Variants in PCDHGA4 observed in about 807,000 individuals in gnomAD.
PCDHGA4 encodes protocadherin gamma-A4.
Under a neutral mutation model 54.6 loss-of-function variants are expected in PCDHGA4, and 38 were observed. The observed-to-expected ratio is 0.70, with a 90% CI of 0.54 to 0.91. The LOEUF (loss-of-function observed/expected upper bound fraction) is 0.91. Among genes scored for constraint, PCDHGA4 ranks in the 40% least tolerant of loss-of-function variants. The pLI, the probability that PCDHGA4 is intolerant of heterozygous loss-of-function variation, is 0.00. For synonymous variants in PCDHGA4, 511 were observed against 512.9 expected (o/e 1.00, Z 0.05); for missense variants, 1,298 against 1,220.9 (o/e 1.06, Z -0.94).
chr5:141,364,993 A>C, intron 1 of PCDHGA4: 1 of 1,613,740 alleles, frequency 6.2e-7, no homozygotes, highest in Non-Finnish European at 8.5e-7. Context: ...GAGACCCGGT[A>C]CTCTCCGGCA....
chr5:141,394,080 A>G (rs766939528), intron 1 of PCDHGA4: 2 of 1,613,920 alleles, frequency 1.2e-6, no homozygotes, highest in Non-Finnish European at 1.7e-6. Flanking sequence ...TATCACAGTG[A>G]TGGCCTCAGA....
rs144482292 is a variant in PCDHGA4 at position 141,385,630 on chromosome 5, C to T, written c.2514+28009C>T. 4.8e-3 allele frequency: 4,617 copies of T among 957,834 alleles called. 22 individuals are homozygous for T. The highest frequency in any genetic ancestry group is 0.011 in the Admixed American group (240 of 22,730). The allele number at this position is 957,834 out of a possible 1,614,324, so 59.3% of individuals were successfully genotyped here. ...ATATATTTTATACATTGGAATGAAT[C>T]GAGTCTTTCATATTGCACAAGGTTA... is the stretch of plus-strand genomic sequence containing the variant. On this transcript the variant is annotated intron_variant, in intron 1 of 3. Coordinates refer to ENST00000571252, the MANE Select transcript of PCDHGA4 (RefSeq NM_018917.4).
intron 2 of PCDHGA4, among the ~76,000 whole-genome samples, chr5:141,495,223 G>T (rs924599140): frequency 6.6e-6 from 1 of 152,208 alleles, no homozygotes; most frequent in South Asian, 2.1e-4. Flanking sequence ...CCTGAGTTGA[G>T]CTGGGCTCCA....
chr5:141,393,927 C>T, intron 1 of PCDHGA4: 2 of 1,613,970 alleles, frequency 1.2e-6, no homozygotes, highest in South Asian at 1.1e-5. Context: ...CTTGAGTGTG[C>T]ATGACCAAGA....
chr5:141,400,005 T>A, intron 1 of PCDHGA4: 1 of 1,612,520 alleles, frequency 6.2e-7, no homozygotes, highest in Non-Finnish European at 8.5e-7. Context: ...GCACAGCGCG[T>A]GCCTTGGGCG....
intron 1 of PCDHGA4, chr5:141,414,177 T>G (rs370827396): frequency 1.7e-5 from 28 of 1,607,906 alleles, no homozygotes; most frequent in Non-Finnish European, 2.2e-5. Flanking sequence ...ATCTTGCAAC[T>G]GCAAAAGTGT....
At chr5:141,447,390 G>A (rs1048677634) in intron 1 of PCDHGA4, among the ~76,000 whole-genome samples, 4 of 151,976 alleles carry the variant, frequency 2.6e-5, no homozygotes, top group Admixed American at 6.6e-5. Flanking sequence ...TGCCCACCTC[G>A]GCCTCCCAAA....
intron 1 of PCDHGA4, chr5:141,383,556 C>G: frequency 6.2e-7 from 1 of 1,612,766 alleles, no homozygotes; most frequent in Non-Finnish European, 8.5e-7. Flanking sequence ...ATGGCGGCGA[C>G]CCGCCCCGAT....
chr5:141,410,352 G>T (rs754268147), intron 1 of PCDHGA4: 4 of 1,614,022 alleles, frequency 2.5e-6, no homozygotes, highest in South Asian at 2.2e-5. Flanking sequence ...CGCCTGCGAC[G>T]CTCTCTCAGC....
chr5:141,468,680 C>T (rs1176643092), intron 1 of PCDHGA4: 1 of 151,074 alleles, frequency 6.6e-6, no homozygotes, highest in Non-Finnish European at 1.5e-5. Flanking sequence ...TCCTGGCTAA[C>T]ACGGTGAAAC....
rs375310818 is a variant in PCDHGA4 at position 141,376,558 on chromosome 5, C to A, written c.2514+18937C>A. On this transcript the variant is annotated intron_variant, in intron 1 of 3. Transcript: ENST00000571252. Reference sequence around the variant, plus strand: ...AAGAGTAATCTGATCTTCCCGCAACCCAACTAATCAGACAGGCTCATCAGC... The same window carrying A: ...AAGAGTAATCTGATCTTCCCGCAACACAACTAATCAGACAGGCTCATCAGC... The A allele has an allele frequency of 6.2e-6, 10 of 1,609,858 alleles. No individual in the cohort carries two copies. In the African/African-American group the frequency reaches 1.3e-4, roughly 22 times the overall value.
rs1248983040 is a variant in PCDHGA4, at chr5:141,476,937, G to T, written c.2515-17870G>T. 3.1e-6 allele frequency: 5 copies of T among 1,614,186 alleles called. No homozygotes were observed. Among genetic ancestry groups the T allele is most frequent in the Non-Finnish European group, 4.2e-6 (5 of 1,180,050 alleles). The stretch of plus-strand genomic sequence containing the variant: ...GTCCTTGCAACGGATCTGGATGAAG[G>T]CCCCAACGGTGAAATTATTTACTCC... On this transcript the variant is annotated intron_variant, in intron 1 of 3. Coordinates refer to ENST00000571252, the MANE Select transcript of PCDHGA4 (RefSeq NM_018917.4). This position sits in a 1 kb window ranked among gnomAD's most constrained non-coding sequence, Gnocchi z 7.6.
Position 141,475,871 on chromosome 5 carries a change from A to C in PCDHGA4, c.2515-18936A>C, listed in dbSNP as rs568810142. 35 of 513,270 alleles carry C rather than the reference A, an allele frequency of 6.8e-5. No individual in the cohort carries two copies. The East Asian group carries it at 1.1e-3, about 16-fold the overall frequency. The allele number at this position is 513,270 out of a possible 1,614,324, so 31.8% of individuals were successfully genotyped here. The stretch of plus-strand genomic sequence containing the variant: ...CCCGGCGCTAGCTCATTCTTCGTGC[A>C]GTTATTGGCTGGGACTCTGTGTGCC... On this transcript the variant is annotated intron_variant, in intron 1 of 3. Transcript: ENST00000571252.
chr5:141,359,995 T>G, intron 1 of PCDHGA4: 1 of 1,091,948 alleles, frequency 9.2e-7, no homozygotes, highest in South Asian at 2.1e-5. Flanking sequence ...GGGAACTTCC[T>G]GCACAAACCA....
intron 1 of PCDHGA4, chr5:141,390,359 C>T: frequency 1.3e-6 from 2 of 1,538,574 alleles, no homozygotes; most frequent in Admixed American, 1.9e-5. Flanking sequence ...TACATATTTG[C>T]AGGAAAATAT....
At chr5:141,399,445 G>GATA in intron 1 of PCDHGA4, 1 of 1,614,032 alleles carries the variant, frequency 6.2e-7, no homozygotes, top group Non-Finnish European at 8.5e-7. Flanking sequence ...ACATATCAGA[G>GATA]ACGTCAACGA....
At chr5:141,420,234 T>G (rs766733064) in intron 1 of PCDHGA4, 1 of 1,600,030 alleles carries the variant, frequency 6.2e-7, no homozygotes, top group Non-Finnish European at 8.5e-7. Flanking sequence ...GCTAGCATTT[T>G]AACTCCCAGC....
chr5:141,490,644 T>C lies in PCDHGA4; in HGVS notation c.2515-4163T>C. The C allele has an allele frequency of 6.2e-7, 1 of 1,614,188 alleles. No homozygotes were observed. Among genetic ancestry groups the C allele is most frequent in the Non-Finnish European group, 8.5e-7 (1 of 1,180,016 alleles). On this transcript the variant is annotated intron_variant, in intron 1 of 3. Coordinates refer to ENST00000571252, the MANE Select transcript of PCDHGA4 (RefSeq NM_018917.4). The surrounding 1 kb of genome is among the most constrained non-coding windows in gnomAD (Gnocchi z 5.4). Reference sequence around the variant, plus strand: ...CTGCTTACATCCTAGAAAACCGGCCTCCGGGCTCCCTTCTTTGCACTGTGG... The same window carrying C: ...CTGCTTACATCCTAGAAAACCGGCCCCCGGGCTCCCTTCTTTGCACTGTGG...
At position 141,487,047 on chromosome 5, in the gene PCDHGA4, C is replaced by T; in HGVS notation, c.2515-7760C>T. The T allele has an allele frequency of 6.2e-7, 1 of 1,614,188 alleles. No individual in the cohort carries two copies. Among genetic ancestry groups the T allele is most frequent in the Non-Finnish European group, 8.5e-7 (1 of 1,180,032 alleles). ...AGCCTGTTTGCAGTCTCTCGATATGCTGGGGAGGTGCGGACGGCTGTTCCT... is the reference window on the plus strand; with the variant it reads ...AGCCTGTTTGCAGTCTCTCGATATGTTGGGGAGGTGCGGACGGCTGTTCCT... On this transcript the variant is annotated intron_variant, in intron 1 of 3. Coordinates refer to ENST00000571252, the MANE Select transcript of PCDHGA4 (RefSeq NM_018917.4). This position sits in a 1 kb window ranked among gnomAD's most constrained non-coding sequence, Gnocchi z 5.0.
Sources: allele counts gnomAD v4.1 joint callset (sites outside exome capture counted in the v4.1 genomes callset), GRCh38; gene constraint gnomAD v4.1.1; non-coding constraint Gnocchi (gnomAD v3.1); transcripts MANE v1.5; gene names NCBI Gene and HGNC (gene_info 2026-07-23, HGNC 2026-07-21).